LTK: variants seen among roughly 807,000 people sequenced by gnomAD.
LTK encodes the protein leukocyte receptor tyrosine kinase.
In LTK, 117 loss-of-function variants were observed where a neutral mutation model predicts 101.5. The ratio of observed to expected loss-of-function variants is 1.15; its 90% CI spans 0.99 to 1.34. The LOEUF is 1.34. Ranked by LOEUF, LTK falls within the 40% of genes most tolerant of loss-of-function variation. The probability of loss-of-function intolerance (pLI) is 0.00; values close to 1 mark genes in which losing one functional copy is unlikely to be tolerated. For synonymous variants in LTK, 563 were observed against 494.2 expected (o/e 1.14, Z -1.85); for missense variants, 1,252 against 1,164.7 (o/e 1.07, Z -1.09).
At position 41,511,251 on chromosome 15, in the gene LTK, AAGCCTCG is replaced by A; in HGVS notation, c.903_909del (p.Glu302GlyfsTer70). 7.0e-7 allele frequency: 1 copy of A among 1,425,144 alleles called. No homozygotes were observed. Among genetic ancestry groups the A allele is most frequent in the Non-Finnish European group, 9.1e-7 (1 of 1,093,450 alleles). The allele number at this position is 1,425,144 out of a possible 1,614,324, so 88.3% of individuals were successfully genotyped here. A position where few individuals can be genotyped will look rare whatever the true frequency, so the allele number is the denominator to read the frequency against. On this transcript the variant is annotated frameshift_variant, in exon 7 of 20. Transcript: ENST00000263800. LOFTEE classifies it high-confidence loss of function. The surrounding 1 kb of genome is among the most constrained non-coding windows in gnomAD (Gnocchi z 5.9). ...GCCGCGGCCCAGCCAAGGGTCGCCC[AAGCCTCG>A]GAGCAGCCCTGGCCGCCCTCCGCCC...
chr15:41,509,950 C>T (rs1280610318), intron 7 of LTK, among the ~76,000 whole-genome samples: 2 of 152,104 alleles, frequency 1.3e-5, no homozygotes, highest in Non-Finnish European at 2.9e-5. Context: ...ATATATACAC[C>T]ACCTCACATG....
chr15:41,507,172 C>T lies in LTK; in HGVS notation c.1464G>A (p.Val488=), dbSNP rs141101544. ...RTAPNPYYCQ[V]GLGPAQSWPL... is the part of the protein sequence containing the mutation. ...GCCAGGACTGGGCCGGGCCAAGCCC[C>T]ACCTGGCAATAATAGGGATTGGGGG... is the stretch of plus-strand genomic sequence containing the variant. The change falls in exon 11 of 20, where the codon GTG becomes GTA. Residue 488 remains valine, a synonymous_variant. Transcript: ENST00000263800. 1 of 1,613,768 alleles carries T rather than the reference C, an allele frequency of 6.2e-7. No homozygotes were observed. Among genetic ancestry groups the T allele is most frequent in the Non-Finnish European group, 8.5e-7 (1 of 1,179,924 alleles).
At chr15:41,506,692 G>A (rs2051296950) in intron 11 of LTK, among the ~76,000 whole-genome samples, 1 of 152,148 alleles carries the variant, frequency 6.6e-6, no homozygotes, top group Admixed American at 6.5e-5. Context: ...CCAGGTTCAA[G>A]TGATTCTTCT....
At chr15:41,506,603 T>C (rs1202585000) in intron 11 of LTK, among the ~76,000 whole-genome samples, 1 of 142,480 alleles carries the variant, frequency 7.0e-6, no homozygotes, top group Non-Finnish European at 1.5e-5. Context: ...ATATTTTTTT[T>C]TTATTGAGAC....
chr15:41,512,743 A>C lies in LTK; in HGVS notation c.323T>G (p.Val108Gly), dbSNP rs546957717. ...TVGAAGQLRG[V>G]QLWRVPGPGQ... is the part of the protein sequence containing the mutation. ...AGGGCCCGGCACGCGCCACAGCTGCACGCCTCTCAGCTGCCCGGCGGCCCC... is the reference window on the plus strand; with the variant it reads ...AGGGCCCGGCACGCGCCACAGCTGCCCGCCTCTCAGCTGCCCGGCGGCCCC... Residue 108 changes from valine to glycine, a missense_variant, in exon 3 of 20, where the codon GTG becomes GGG. Transcript: ENST00000263800. 15 of 1,607,526 alleles carry C rather than the reference A, an allele frequency of 9.3e-6. No homozygotes were observed. In the East Asian group the frequency reaches 1.1e-4, roughly 12 times the overall value.
At position 41,511,591 on chromosome 15, in the gene LTK, C is replaced by A; in HGVS notation, c.658-13G>T. 6 of 1,434,494 alleles carry A rather than the reference C, an allele frequency of 4.2e-6. No individual in the cohort carries two copies. Among genetic ancestry groups the A allele is most frequent in the South Asian group, 1.5e-5 (1 of 65,698 alleles). The allele number at this position is 1,434,494 out of a possible 1,614,324, so 88.9% of individuals were successfully genotyped here. On this transcript the variant is annotated splice_polypyrimidine_tract_variant and intron_variant, in intron 5 of 19. Coordinates refer to ENST00000263800, the MANE Select transcript of LTK (RefSeq NM_002344.6). This position sits in a 1 kb window ranked among gnomAD's most constrained non-coding sequence, Gnocchi z 5.9. ...CGCCAGCGCGCACCTGTGGGGCCAG[C>A]GGCGTGTTCCAGGAAGCGCCCTCCA...
intron 1 of LTK, 28 bp downstream of exon 1, chr15:41,513,639 G>C: frequency 6.2e-7 from 1 of 1,610,968 alleles, no homozygotes; most frequent in Non-Finnish European, 8.5e-7. Context: ...CAGGCTGGAC[G>C]GTCCCCTGAC....
chr15:41,507,625 T>C lies in LTK; in HGVS notation c.1282A>G (p.Met428Val), dbSNP rs747514717. The C allele has an allele frequency of 6.2e-7, 1 of 1,613,886 alleles. No individual in the cohort carries two copies. The highest frequency in any genetic ancestry group is 8.5e-7 in the Non-Finnish European group (1 of 1,179,966). The part of the protein sequence containing the change: ...LHKPPGPLVL[M>V]VAVVATSTLS... ...GTTGAGGTTGCCACCACAGCCACCA[T>C]CAGAACCAGAGGGCCTGGGGGCTTG... The change falls in exon 10 of 20, where the codon ATG becomes GTG. Residue 428 changes from methionine to valine, a missense_variant. Coordinates refer to ENST00000263800, the MANE Select transcript of LTK (RefSeq NM_002344.6).
chr15:41,513,225 C>G (rs933720210), intron 1 of LTK, 105 bp from the exon 2 acceptor site: 1 of 1,372,214 alleles, frequency 7.3e-7, no homozygotes, highest in South Asian at 1.3e-5. Context: ...GCGGCCACAC[C>G]CGTCACCCGG....
intron 8 of LTK, among the ~76,000 whole-genome samples, chr15:41,508,602 A>AATAAATAC (rs2051361770): frequency 7.4e-6 from 1 of 135,124 alleles, no homozygotes; most frequent in African/African-American, 2.6e-5. Context: ...TAAATAAATA[A>AATAAATAC]ATACATGCCT....
rs1485253248 is a variant in LTK at position 41,507,967 on chromosome 15, C to G, written c.1249+102G>C. 6.2e-6 allele frequency: 8 copies of G among 1,290,552 alleles called. No homozygotes were observed. The Admixed American group carries it at 1.9e-4, about 31-fold the overall frequency. The allele number at this position is 1,290,552 out of a possible 1,614,324, so 79.9% of individuals were successfully genotyped here. ...CCCCTGCCCAGCACCCACCACAGGG[C>G]CTGGCACACAGCAAATCTCTATACC... On this transcript the variant is annotated intron_variant, in intron 9 of 19. Coordinates refer to ENST00000263800, the MANE Select transcript of LTK (RefSeq NM_002344.6).
intron 7 of LTK, among the ~76,000 whole-genome samples, chr15:41,510,501 G>T (rs981231838): frequency 1.3e-5 from 2 of 148,166 alleles, no homozygotes; most frequent in African/African-American, 5.0e-5. Context: ...CCCTCTTGTC[G>T]CCCAGGCTGA....
chr15:41,507,718 T>C, intron 9 of LTK, 61 bp from the exon 10 acceptor site: 1 of 1,517,996 alleles, frequency 6.6e-7, no homozygotes. Flanking sequence ...ACCCTCAAGT[T>C]TTACCCACGC....
At chr15:41,510,924 G>T (rs1422026301) in intron 7 of LTK, among the ~76,000 whole-genome samples, 1 of 152,190 alleles carries the variant, frequency 6.6e-6, no homozygotes, top group Non-Finnish European at 1.5e-5. Flanking sequence ...ACAAGGCAGG[G>T]ACCTGCTGTG....
At position 41,511,151 on chromosome 15, in the gene LTK, A is replaced by G; in HGVS notation, c.997+13T>C. On this transcript the variant is annotated intron_variant, in intron 7 of 19. Coordinates refer to ENST00000263800, the MANE Select transcript of LTK (RefSeq NM_002344.6). This position sits in a 1 kb window ranked among gnomAD's most constrained non-coding sequence, Gnocchi z 5.9. ...CGGGCCTGCTCAGCTGCCCTCTCCA[A>G]CGGTGCACCTACCCCTGTAGCCGCC... The G allele has an allele frequency of 7.1e-7, 1 of 1,398,900 alleles. No homozygotes were observed. Among genetic ancestry groups the G allele is most frequent in the South Asian group, 1.7e-5 (1 of 59,936 alleles). 86.7% of individuals were successfully genotyped at this position (1,398,900 alleles called of 1,614,324 possible).
intron 12 of LTK, 46 bp downstream of exon 12, chr15:41,505,869 G>A (rs753629738): frequency 6.3e-7 from 1 of 1,599,624 alleles, no homozygotes; most frequent in Non-Finnish European, 8.6e-7. Context: ...TTCCCTTCAG[G>A]GTGTTCCGCT....
chr15:41,511,017 A>C lies in LTK; in HGVS notation c.997+147T>G. 2.6e-6 allele frequency: 3 copies of C among 1,151,514 alleles called. No individual in the cohort carries two copies. Among genetic ancestry groups the C allele is most frequent in the Non-Finnish European group, 3.3e-6 (3 of 909,600 alleles). 71.3% of individuals were successfully genotyped at this position (1,151,514 alleles called of 1,614,324 possible). A position where few individuals can be genotyped will look rare whatever the true frequency, so the allele number is the denominator to read the frequency against. On this transcript the variant is annotated intron_variant, in intron 7 of 19. Transcript: ENST00000263800. This position sits in a 1 kb window ranked among gnomAD's most constrained non-coding sequence, Gnocchi z 5.9. ...GCAGTGTATTTGACCTCCTTTTCTAAGAGCTCCTGCTTTTTGTTTGGAGCT... is the reference window on the plus strand; with the variant it reads ...GCAGTGTATTTGACCTCCTTTTCTACGAGCTCCTGCTTTTTGTTTGGAGCT...
Position 41,507,158 on chromosome 15 carries a change from G to A in LTK, c.1478C>T (p.Ala493Val). 2 of 1,613,634 alleles carry A rather than the reference G, an allele frequency of 1.2e-6. No homozygotes were observed. The highest frequency in any genetic ancestry group is 1.7e-6 in the Non-Finnish European group (2 of 1,179,896). ...ACCTGGTGGCAGAGGCCAGGACTGG[G>A]CCGGGCCAAGCCCCACCTGGCAATA... The part of the protein sequence containing the change: ...PYYCQVGLGP[A>V]QSWPLPPGVT... Residue 493 changes from alanine (A) to valine (V), a missense_variant, in exon 11 of 20, where the codon GCC becomes GTC. Ala to Val is a moderately conservative substitution (Grantham distance 64). Coordinates refer to ENST00000263800, the MANE Select transcript of LTK (RefSeq NM_002344.6).
rs2051158607 is a variant in LTK at position 41,503,974 on chromosome 15, T to TA, written c.*21dup. ...GAGGGACCCTCAGTGCCTCAGTCCT[T>TA]ACCCTCAGGGCCCCTTGGGGCTCAG... On this transcript the variant is annotated 3_prime_UTR_variant, in exon 20 of 20. Coordinates refer to ENST00000263800, the MANE Select transcript of LTK (RefSeq NM_002344.6). The TA allele has an allele frequency of 6.4e-7, 1 of 1,574,412 alleles. No individual in the cohort carries two copies. The highest frequency in any genetic ancestry group is 8.6e-7 in the Non-Finnish European group (1 of 1,162,182).
Sources: allele counts gnomAD v4.1 joint callset (sites outside exome capture counted in the v4.1 genomes callset), GRCh38; gene constraint gnomAD v4.1.1; non-coding constraint Gnocchi (gnomAD v3.1); transcripts MANE v1.5; gene names NCBI Gene and HGNC (gene_info 2026-07-23, HGNC 2026-07-21).